Variants in MCTP2 observed in about 807,000 individuals in gnomAD.
MCTP2 encodes multiple C2 and transmembrane domain-containing protein 2.
In MCTP2, 132 loss-of-function variants were observed where a neutral mutation model predicts 111.6. The ratio of observed to expected loss-of-function variants is 1.18; its 90% CI spans 1.03 to 1.37. The LOEUF (loss-of-function observed/expected upper bound fraction) is 1.37, where lower values mean the gene tolerates loss of function less well. Ranked by LOEUF, MCTP2 falls within the 40% of genes most tolerant of loss-of-function variation. MCTP2 has a pLI of 0.00. For synonymous variants in MCTP2, 395 were observed against 387.7 expected, an observed-to-expected ratio of 1.02 and a Z score of -0.22; for missense variants, 1,183 against 1,067.9, an observed-to-expected ratio of 1.11 and a Z score of -1.50.
At chr15:94,301,290 A>T (rs2075598365) in intron 2 of MCTP2, among the ~76,000 whole-genome samples, 1 of 151,960 alleles carries the variant, frequency 6.6e-6, no homozygotes, top group Non-Finnish European at 1.5e-5. Flanking sequence ...GACCCCTAGG[A>T]TCCCTTGCAG....
At chr15:94,343,926 A>G (rs1018523193) in intron 7 of MCTP2, 15 of 152,292 alleles carry the variant, frequency 9.8e-5, no homozygotes, top group African/African-American at 2.9e-4. Context: ...TACATGCTTT[A>G]TCTTGTGTAA....
intron 4 of MCTP2, among the ~76,000 whole-genome samples, chr15:94,327,096 T>C (rs181249361): frequency 2.0e-5 from 3 of 152,320 alleles, no homozygotes; most frequent in Admixed American, 1.3e-4. Context: ...TATAAAGTTT[T>C]TGTTGCAAAA....
rs1299765369 is a variant in MCTP2, at chr15:94,386,910, C to A, written c.1788+1385C>A. ...ACAACTGACTTAGCTCGCCTGCCTG[C>A]CTTCCTTTCCCCAAACCCTTACCCG... On this transcript the variant is annotated intron_variant, in intron 14 of 22. Transcript: ENST00000357742. Among the ~76,000 whole-genome samples the A allele has an allele frequency of 2.6e-5, 4 of 152,262 alleles. No individual in the cohort carries two copies. In the East Asian group the frequency reaches 7.7e-4, roughly 29 times the overall value.
intron 17 of MCTP2, among the ~76,000 whole-genome samples, chr15:94,418,439 T>C (rs1050390446): frequency 6.6e-6 from 1 of 152,158 alleles, no homozygotes; most frequent in Non-Finnish European, 1.5e-5. Context: ...CTTTGAAAGA[T>C]GTATTTACCA....
intron 17 of MCTP2, among the ~76,000 whole-genome samples, chr15:94,408,248 T>A (rs2081996413): frequency 6.6e-6 from 1 of 152,136 alleles, no homozygotes; most frequent in South Asian, 2.1e-4. Context: ...TGCTCAAAAA[T>A]TAAAAGTATT....
At chr15:94,394,520 C>G (rs2081179693) in intron 14 of MCTP2, among the ~76,000 whole-genome samples, 1 of 152,116 alleles carries the variant, frequency 6.6e-6, no homozygotes, top group African/African-American at 2.4e-5. Flanking sequence ...AATCACAGCA[C>G]TTTGGGAGGC....
At chr15:94,452,052 A>G (rs1243848842) in intron 19 of MCTP2, among the ~76,000 whole-genome samples, 1 of 152,194 alleles carries the variant, frequency 6.6e-6, no homozygotes, top group African/African-American at 2.4e-5. Flanking sequence ...AGGGTAAAGA[A>G]CTTGCCATGA....
At position 94,259,615 on chromosome 15, in the gene MCTP2, G is replaced by A. The variant is rs185814815; in HGVS notation, c.-66+27951G>A. Among the ~76,000 whole-genome samples the A allele has an allele frequency of 3.3e-5, 5 of 152,044 alleles. No homozygotes were observed. In the East Asian group the frequency reaches 9.7e-4, roughly 29 times the overall value. Reference sequence around the variant, plus strand: ...GAAATACTGTCTCCAAACCATTTAGGGTATTGTGTAATATATGATACACTC... The same window carrying A: ...GAAATACTGTCTCCAAACCATTTAGAGTATTGTGTAATATATGATACACTC... On this transcript the variant is annotated intron_variant, in intron 1 of 22. Coordinates refer to ENST00000357742, the MANE Select transcript of MCTP2 (RefSeq NM_001385001.1).
intron 2 of MCTP2, among the ~76,000 whole-genome samples, chr15:94,312,323 A>G (rs2076181279): frequency 6.6e-6 from 1 of 152,366 alleles, no homozygotes; most frequent in South Asian, 2.1e-4. Flanking sequence ...GATTATTGGC[A>G]TAAAGTGGAC....
chr15:94,309,571 A>G (rs1255776558), intron 2 of MCTP2, among the ~76,000 whole-genome samples: 1 of 152,214 alleles, frequency 6.6e-6, no homozygotes, highest in Non-Finnish European at 1.5e-5. Context: ...GTATTCGTAC[A>G]GGATCACATT....
At chr15:94,267,869 C>CTTTCTTTTT (rs1555443740) in intron 1 of MCTP2, among the ~76,000 whole-genome samples, 13 of 77,458 alleles carry the variant, frequency 1.7e-4, no homozygotes, top group South Asian at 5.0e-4. Context: ...CCTTTTCTTT[C>CTTTCTTTTT]TTTTTTTTTT....
At chr15:94,333,576 C>T (rs1024908790) in intron 4 of MCTP2, among the ~76,000 whole-genome samples, 10 of 152,060 alleles carry the variant, frequency 6.6e-5, no homozygotes, top group African/African-American at 2.2e-4. Flanking sequence ...GTATTGGTAC[C>T]AGCCATGTTC....
At chr15:94,250,233 A>G (rs967054261) in intron 1 of MCTP2, among the ~76,000 whole-genome samples, 3 of 152,150 alleles carry the variant, frequency 2.0e-5, no homozygotes, top group African/African-American at 7.2e-5. Context: ...AGTGGCTCGT[A>G]TTTCTGTTCC....
chr15:94,275,652 GCCTGTTCTGGAC>G (rs1464694892), intron 1 of MCTP2, among the ~76,000 whole-genome samples: 1 of 151,740 alleles, frequency 6.6e-6, no homozygotes. Flanking sequence ...ATTATATCTT[GCCTGTTCTGGAC>G]CCTTTACATT....
Position 94,261,177 on chromosome 15 carries a change from A to G in MCTP2, c.-66+29513A>G, listed in dbSNP as rs758213322. Reference sequence around the variant, plus strand: ...CCAAACCAATGTGTATCTTTCATGTATTGATTGATGTGTCTCATGTCTCCC... The same window carrying G: ...CCAAACCAATGTGTATCTTTCATGTGTTGATTGATGTGTCTCATGTCTCCC... On this transcript the variant is annotated intron_variant, in intron 1 of 22. Transcript: ENST00000357742. Among the ~76,000 whole-genome samples the G allele has an allele frequency of 1.7e-4, 26 of 152,092 alleles. 1 individual carries two copies. Among genetic ancestry groups the G allele is most frequent in the Non-Finnish European group, 3.5e-4 (24 of 68,024 alleles).
intron 1 of MCTP2, among the ~76,000 whole-genome samples, chr15:94,291,866 A>G (rs185803149): frequency 2.2e-3 from 336 of 152,322 alleles, no homozygotes; most frequent in Non-Finnish European, 4.5e-3. Context: ...TCTGGGCCAT[A>G]TGGTATCTGC....
chr15:94,476,492 G>T (rs1052583711), intron 21 of MCTP2: 1 of 420,724 alleles, frequency 2.4e-6, no homozygotes, highest in African/African-American at 2.1e-5. Flanking sequence ...ACATGTGCTT[G>T]ACTTGAGGTC....
chr15:94,291,592 ACT>A (rs1247585402), intron 1 of MCTP2, among the ~76,000 whole-genome samples: 1 of 151,900 alleles, frequency 6.6e-6, no homozygotes, highest in African/African-American at 2.4e-5. Flanking sequence ...CAAGAGCGAA[ACT>A]CTGTCTCAAA....
At chr15:94,243,912 T>G (rs1397466446) in intron 1 of MCTP2, among the ~76,000 whole-genome samples, 1 of 123,498 alleles carries the variant, frequency 8.1e-6, no homozygotes, top group African/African-American at 2.9e-5. Flanking sequence ...CATACATATG[T>G]GTATATATTT....
Sources: gnomAD v4.1 joint callset for allele counts (sites outside exome capture counted in the v4.1 genomes callset) on GRCh38, gnomAD v4.1.1 for gene constraint, MANE v1.5 for transcripts, NCBI Gene and HGNC (gene_info 2026-07-23, HGNC 2026-07-21) for gene names.